The following SLC4A4 variants were observed in gnomAD, a reference collection of about 807,000 sequenced individuals.
The protein encoded by SLC4A4 is solute carrier family 4 member 4, also known as electrogenic sodium bicarbonate cotransporter 1.
SLC4A4 carries 27 observed loss-of-function variants against 111.5 expected under a neutral mutation model. That is an observed-to-expected ratio of 0.24 (90% CI 0.18 to 0.33). SLC4A4 has a LOEUF of 0.33. Ranked by LOEUF, SLC4A4 falls within the 10% of genes least tolerant of loss-of-function variation. SLC4A4 has a pLI of 1.00. For missense variants in SLC4A4, 909 were observed against 1,315.5 expected, an observed-to-expected ratio of 0.69 and a Z score of 4.78; for synonymous variants, 443 against 463.4, an observed-to-expected ratio of 0.96 and a Z score of 0.57.
chr4:71,420,799 AC>A (rs1359082194), intron 7 of SLC4A4, among the ~76,000 whole-genome samples: 1 of 145,462 alleles, frequency 6.9e-6, no homozygotes, highest in African/African-American at 2.5e-5. Context: ...AGATTTTGTC[AC>A]CACCAGGCCT....
intron 2 of SLC4A4, among the ~76,000 whole-genome samples, chr4:71,166,621 C>A (rs1036853958): frequency 1.3e-5 from 2 of 152,192 alleles, no homozygotes; most frequent in African/African-American, 4.8e-5. Flanking sequence ...TAAATGAAAT[C>A]ATGAGATTTG....
Position 71,135,015 on chromosome 4 carries a change from C to G in SLC4A4, c.-2+42223C>G, listed in dbSNP as rs181335312. Among the ~76,000 whole-genome samples, 3 of 152,246 alleles carry G rather than the reference C, an allele frequency of 2.0e-5. No individual in the cohort carries two copies. The East Asian group carries it at 5.8e-4, about 29-fold the overall frequency. On this transcript the variant is annotated intron_variant, in intron 2 of 26. Transcript: ENST00000649996. ...TAGTGCTTGCTAGGGGTTACAGTTG[C>G]CATGAGTCCATCGCTGGGCTCCGAT...
chr4:71,446,418 A>G (rs972151137), intron 8 of SLC4A4, among the ~76,000 whole-genome samples: 1 of 152,192 alleles, frequency 6.6e-6, no homozygotes, highest in African/African-American at 2.4e-5. Flanking sequence ...TGGAAGACTT[A>G]TGGAAGTCAT....
intron 6 of SLC4A4, among the ~76,000 whole-genome samples, chr4:71,367,773 G>C (rs1178496128): frequency 1.3e-5 from 2 of 152,156 alleles, no homozygotes; most frequent in East Asian, 3.8e-4. Flanking sequence ...CACAAGTCCT[G>C]GCTTTATTTA....
intron 3 of SLC4A4, among the ~76,000 whole-genome samples, chr4:71,297,979 A>G (rs1724942951): frequency 6.6e-6 from 1 of 152,198 alleles, no homozygotes; most frequent in Admixed American, 6.5e-5. Flanking sequence ...TGAATTTGGA[A>G]GACCTTGGTT....
intron 16 of SLC4A4, among the ~76,000 whole-genome samples, chr4:71,523,379 A>T (rs1005523016): frequency 6.6e-6 from 1 of 152,200 alleles, no homozygotes; most frequent in African/African-American, 2.4e-5. Context: ...TGACAAAGGG[A>T]TATTTAGTTA....
intron 18 of SLC4A4, among the ~76,000 whole-genome samples, chr4:71,544,850 A>G (rs887566785): frequency 6.6e-6 from 1 of 152,036 alleles, no homozygotes; most frequent in Non-Finnish European, 1.5e-5. Flanking sequence ...CCTCAGTAGA[A>G]TGGAGACTCC....
rs1743854894 is a variant in SLC4A4, at chr4:71,136,684, T to C, written c.-2+43892T>C. On this transcript the variant is annotated intron_variant, in intron 2 of 26. Transcript: ENST00000649996. ...GTAACTTTGAGCAAGTTACATAATC[T>C]CTTGGATTCTCAGTTTCTCATTAAT... 2.0e-5 allele frequency among the ~76,000 whole-genome samples: 3 copies of C among 152,316 alleles called. No individual in the cohort carries two copies. The South Asian group carries it at 6.2e-4, about 32-fold the overall frequency.
intron 2 of SLC4A4, among the ~76,000 whole-genome samples, chr4:71,138,764 C>G (rs951617449): frequency 4.6e-5 from 7 of 152,084 alleles, no homozygotes; most frequent in African/African-American, 1.4e-4. Context: ...TGGCCGGGCG[C>G]GGTGGCTCAC....
At chr4:71,437,771 T>A in intron 7 of SLC4A4, 1 of 274,158 alleles carries the variant, frequency 3.6e-6, no homozygotes, top group Non-Finnish European at 7.2e-6. Flanking sequence ...AGCTTGACAG[T>A]CACCATCTTG....
chr4:71,357,071 C>A lies in SLC4A4; in HGVS notation c.614C>A (p.Thr205Asn), dbSNP rs751827235. The A allele has an allele frequency of 6.2e-7, 1 of 1,614,124 alleles. No individual in the cohort carries two copies. Among genetic ancestry groups the A allele is most frequent in the South Asian group, 1.1e-5 (1 of 91,074 alleles). The change falls in exon 6 of 26, where the codon ACC becomes AAC. Residue 205 changes from threonine to asparagine, a missense_variant. Physicochemically the swap from Thr to Asn is moderately conservative, Grantham distance 65. This residue lies in a region of SLC4A4 where 312 missense variants were observed against 402.0 expected (regional missense o/e 0.78). Coordinates refer to ENST00000264485, the MANE Select transcript of SLC4A4 (RefSeq NM_001098484.3). ...LLKPELKDKV[T>N]YTLLRKHRHQ... ...AAACCTGAACTTAAGGATAAGGTGA[C>A]CTATACTTTGCTCCGGAAGCACCGG...
At chr4:71,401,055 GAAC>G (rs1168258411) in intron 7 of SLC4A4, among the ~76,000 whole-genome samples, 4 of 152,138 alleles carry the variant, frequency 2.6e-5, no homozygotes, top group African/African-American at 7.2e-5. Context: ...GATACAATTT[GAAC>G]AGTTGTGATG....
intron 1 of SLC4A4, among the ~76,000 whole-genome samples, chr4:71,087,559 C>T (rs937525159): frequency 1.1e-4 from 17 of 151,874 alleles, no homozygotes; most frequent in African/African-American, 2.7e-4. Context: ...TAAATTTCCC[C>T]CTACACACTG....
chr4:71,075,374 G>A (rs1327180293), intron 1 of SLC4A4, among the ~76,000 whole-genome samples: 1 of 152,086 alleles, frequency 6.6e-6, no homozygotes, highest in Non-Finnish European at 1.5e-5. Context: ...GTGAGGCAAA[G>A]GAAATGCAAT....
At chr4:71,394,555 G>A (rs1036358303) in intron 6 of SLC4A4, among the ~76,000 whole-genome samples, 2 of 152,154 alleles carry the variant, frequency 1.3e-5, no homozygotes, top group Non-Finnish European at 2.9e-5. Context: ...CTGCTGAGGG[G>A]AATGTAAACT....
At chr4:71,513,604 T>C (rs1393668635) in intron 16 of SLC4A4, among the ~76,000 whole-genome samples, 5 of 152,156 alleles carry the variant, frequency 3.3e-5, no homozygotes, top group African/African-American at 4.8e-5. Context: ...CTTTTCCAAT[T>C]TGGATGTCTT....
chr4:71,394,213 A>G (rs1423899734), intron 6 of SLC4A4, among the ~76,000 whole-genome samples: 4 of 152,212 alleles, frequency 2.6e-5, no homozygotes, highest in Admixed American at 2.6e-4. Flanking sequence ...CAAAGTAAAC[A>G]GACAACCCAC....
chr4:71,533,850 C>T (rs1734163045), intron 17 of SLC4A4, among the ~76,000 whole-genome samples: 1 of 151,946 alleles, frequency 6.6e-6, no homozygotes. Context: ...TATCTTTTTA[C>T]TTTTTACCTT....
At chr4:71,192,688 G>C (rs1444315746) in intron 1 of SLC4A4, among the ~76,000 whole-genome samples, 2 of 151,248 alleles carry the variant, frequency 1.3e-5, no homozygotes, top group Non-Finnish European at 2.9e-5. Context: ...TCTTCCTTCT[G>C]TTAAGTTTTT....
Sources: gnomAD v4.1 joint callset for allele counts (sites outside exome capture counted in the v4.1 genomes callset) on GRCh38, gnomAD v4.1.1 for gene constraint, gnomAD v4.1.1 regional missense constraint, MANE v1.5 for transcripts, NCBI Gene and HGNC (gene_info 2026-07-23, HGNC 2026-07-21) for gene names.